The following RAPGEF6 variants were observed in gnomAD, a reference collection of about 807,000 sequenced individuals.
The protein encoded by RAPGEF6 is Rap guanine nucleotide exchange factor 6, also known as PDZ domain containing guanine nucleotide exchange factor (GEF) 2.
A neutral mutation model predicts 171.4 loss-of-function variants in RAPGEF6; 56 were observed. The ratio of observed to expected loss-of-function variants is 0.33; its 90% CI spans 0.26 to 0.41. The LOEUF (loss-of-function observed/expected upper bound fraction) is 0.41. Among genes scored for constraint, RAPGEF6 ranks in the 10% least tolerant of loss-of-function variants. The pLI is 1.00. For synonymous variants in RAPGEF6, 692 were observed against 650.1 expected, an observed-to-expected ratio of 1.06 and a Z score of -0.98; for missense variants, 1,674 against 1,921.4, an observed-to-expected ratio of 0.87 and a Z score of 2.41.
At position 131,425,601 on chromosome 5, in the gene RAPGEF6, C is replaced by T. The variant is rs1473434469; in HGVS notation, c.*1665G>A. The T allele has an allele frequency of 6.6e-6, 1 of 152,240 alleles. No individual in the cohort carries two copies. The highest frequency in any genetic ancestry group is 1.5e-5 in the Non-Finnish European group (1 of 68,022). 9.4% of individuals were successfully genotyped at this position (152,240 alleles called of 1,614,324 possible). A position where few individuals can be genotyped will look rare whatever the true frequency, so the allele number is the denominator to read the frequency against. On this transcript the variant is annotated 3_prime_UTR_variant, in exon 28 of 28. Coordinates refer to ENST00000509018, the MANE Select transcript of RAPGEF6 (RefSeq NM_016340.6). ...TAAGTTTCAGATTAATGTTTCTTTA[C>T]CACAGGAATTTTTGAAATGCTATTA...
intron 3 of RAPGEF6, among the ~76,000 whole-genome samples, chr5:131,597,952 T>C (rs1390923202): frequency 2.0e-5 from 3 of 152,140 alleles, no homozygotes; most frequent in African/African-American, 4.8e-5. Context: ...CATAACTGTA[T>C]TGGAATACCA....
At chr5:131,458,346 G>T (rs1211262310) in intron 19 of RAPGEF6, among the ~76,000 whole-genome samples, 1 of 152,128 alleles carries the variant, frequency 6.6e-6, no homozygotes, top group South Asian at 2.1e-4. Flanking sequence ...TCTCTCTGCT[G>T]CCATGTAAGA....
At chr5:131,450,926 T>TG (rs1423119487) in intron 21 of RAPGEF6, among the ~76,000 whole-genome samples, 1 of 152,230 alleles carries the variant, frequency 6.6e-6, no homozygotes, top group Non-Finnish European at 1.5e-5. Context: ...TACTGAAGTA[T>TG]GGCTAGTACT....
At chr5:131,529,027 AAC>A (rs1759183774) in intron 6 of RAPGEF6, among the ~76,000 whole-genome samples, 1 of 152,184 alleles carries the variant, frequency 6.6e-6, no homozygotes, top group Non-Finnish European at 1.5e-5. Context: ...CCACCCAGTA[AAC>A]AGTCACCTCA....
In RAPGEF6 at chr5:131,510,459, C is replaced by G; in HGVS notation, c.660G>C (p.Leu220Phe). The stretch of plus-strand genomic sequence containing the variant: ...CAACAGGTCCTTCTGGAAGACGTGT[C>G]AAATCTACATCTCCTACCTCACTCT... ...ATESEVGDVDLTRLPEGPVDS... is the reference protein window; with the variant it reads ...ATESEVGDVDFTRLPEGPVDS... The change falls in exon 8 of 28, where the codon TTG (leucine) becomes TTC (phenylalanine). Residue 220 changes from leucine (L) to phenylalanine (F), a missense_variant. Physicochemically the swap from Leu to Phe is conservative, Grantham distance 22 (BLOSUM62 0). Around this residue, in one of 3 missense-constraint regions of RAPGEF6, gnomAD observed 1,116 missense variants for 1,321.5 expected, o/e 0.84. Coordinates refer to ENST00000509018, the MANE Select transcript of RAPGEF6 (RefSeq NM_016340.6). 6.2e-7 allele frequency: 1 copy of G among 1,614,028 alleles called. No individual in the cohort carries two copies. The highest frequency in any genetic ancestry group is 8.5e-7 in the Non-Finnish European group (1 of 1,179,984).
Position 131,562,042 on chromosome 5 carries a change from C to A in RAPGEF6, c.287G>T (p.Gly96Val). 1 of 1,575,012 alleles carries A rather than the reference C, an allele frequency of 6.3e-7. No individual in the cohort carries two copies. Among genetic ancestry groups the A allele is most frequent in the South Asian group, 1.2e-5 (1 of 85,798 alleles). ...TCCTCTTTTTCCTCCAAACTGCTTA[C>A]CAAAACTATAAAAACAGAAAAACAA... ...GSMVLPPCSF[G>V]KQFGGKRGCD... is the part of the protein sequence containing the mutation. Residue 96 changes from glycine (G) to valine (V), a missense_variant, in exon 5 of 28, where the codon GGT becomes GTT. Transcript: ENST00000509018.
chr5:131,453,092 A>T lies in RAPGEF6; in HGVS notation c.3162T>A (p.Thr1054=). 6.2e-7 allele frequency: 1 copy of T among 1,614,078 alleles called. No individual in the cohort carries two copies. Among genetic ancestry groups the T allele is most frequent in the African/African-American group, 1.3e-5 (1 of 75,054 alleles). ...SKEIRQVVRM[T]SANMDPAMMF... is the part of the protein sequence containing the mutation. ...TCATAGCTGGGTCCATGTTAGCAGAAGTCATTCGAACAACTTGGCGGATTT... is the reference window on the plus strand; with the variant it reads ...TCATAGCTGGGTCCATGTTAGCAGATGTCATTCGAACAACTTGGCGGATTT... Residue 1054 remains threonine, a synonymous_variant, in exon 21 of 28, where the codon ACT becomes ACA. Coordinates refer to ENST00000509018, the MANE Select transcript of RAPGEF6 (RefSeq NM_016340.6).
At chr5:131,505,675 T>G (rs1205197699) in intron 9 of RAPGEF6, among the ~76,000 whole-genome samples, 153 bp from the exon 10 acceptor site, 1 of 152,226 alleles carries the variant, frequency 6.6e-6, no homozygotes, top group African/African-American at 2.4e-5. Flanking sequence ...CCCTATGCTT[T>G]GAGTCTATGC....
chr5:131,565,889 T>G (rs1295434421), intron 4 of RAPGEF6, among the ~76,000 whole-genome samples: 1 of 152,194 alleles, frequency 6.6e-6, no homozygotes. Context: ...CTCACGCCTG[T>G]AATCCCAGCA....
At chr5:131,616,529 C>T (rs1446750345) in intron 1 of RAPGEF6, among the ~76,000 whole-genome samples, 1 of 152,160 alleles carries the variant, frequency 6.6e-6, no homozygotes, top group South Asian at 2.1e-4. Flanking sequence ...TCAACCAAAA[C>T]TTGGAAAACT....
chr5:131,558,609 C>T (rs889491605), intron 5 of RAPGEF6, among the ~76,000 whole-genome samples: 1 of 152,086 alleles, frequency 6.6e-6, no homozygotes, highest in African/African-American at 2.4e-5. Flanking sequence ...GCTTAAATTT[C>T]ACAACAAGAA....
At position 131,619,038 on chromosome 5, in the gene RAPGEF6, A is replaced by C. The variant is rs142926445; in HGVS notation, c.70-14345T>G. ...CAGGCTCTTCAAAAGTGCAATGTTC[A>C]TGAAAGGAAAAAAAAAAAAAACAGG... On this transcript the variant is annotated intron_variant, in intron 1 of 27. Transcript: ENST00000509018. Among the ~76,000 whole-genome samples the C allele has an allele frequency of 4.0e-3, 611 of 151,770 alleles. 12 individuals carry two copies. Among genetic ancestry groups the C allele is most frequent in the Non-Finnish European group, 2.6e-3 (179 of 67,936 alleles).
In RAPGEF6 at chr5:131,426,289, C is replaced by T. The variant is rs910720226; in HGVS notation, c.*977G>A. ...AAATTCGTCTTCATTATTACAACAC[C>T]CATGATAAGAATTTCTTTAAAAAAA... On this transcript the variant is annotated 3_prime_UTR_variant, in exon 28 of 28. Transcript: ENST00000509018. 6.6e-6 allele frequency: 1 copy of T among 152,232 alleles called. No homozygotes were observed. Among genetic ancestry groups the T allele is most frequent in the East Asian group, 1.9e-4 (1 of 5,332 alleles). The allele number at this position is 152,232 out of a possible 1,614,324, so 9.4% of individuals were successfully genotyped here.
rs762526251 is a variant in RAPGEF6 at position 131,430,681 on chromosome 5, G to T, written c.4465+178C>A. The T allele has an allele frequency of 5.7e-6, 5 of 871,334 alleles. No individual in the cohort carries two copies. In the Admixed American group the frequency reaches 8.8e-5, roughly 15 times the overall value. 54.0% of individuals were successfully genotyped at this position (871,334 alleles called of 1,614,324 possible). The stretch of plus-strand genomic sequence containing the variant: ...TTCATTTTAATGGGGTTGAATAGCT[G>T]CTCCAAAGTCTTTGAGAAACCATGA... On this transcript the variant is annotated intron_variant, in intron 26 of 27. Coordinates refer to ENST00000509018, the MANE Select transcript of RAPGEF6 (RefSeq NM_016340.6).
chr5:131,631,514 C>T (rs1457689553), intron 1 of RAPGEF6, among the ~76,000 whole-genome samples: 2 of 152,166 alleles, frequency 1.3e-5, no homozygotes, highest in East Asian at 1.9e-4. Flanking sequence ...CCACTTCTCA[C>T]CACTTCCATT....
Position 131,635,133 on chromosome 5 carries a change from A to T in RAPGEF6, c.-103T>A, listed in dbSNP as rs1413426335. The T allele has an allele frequency of 5.7e-6, 7 of 1,228,276 alleles. No homozygotes were observed. The African/African-American group carries it at 1.1e-4, about 19-fold the overall frequency. 76.1% of individuals were successfully genotyped at this position (1,228,276 alleles called of 1,614,324 possible). ...TACCTTTCCCCCGCCCCAAGGAGGG[A>T]ACTTCGCGCCGTAACAAGGTCCGAA... On this transcript the variant is annotated 5_prime_UTR_variant, in exon 1 of 28. Coordinates refer to ENST00000509018, the MANE Select transcript of RAPGEF6 (RefSeq NM_016340.6).
intron 24 of RAPGEF6, among the ~76,000 whole-genome samples, chr5:131,437,255 T>C (rs895745163): frequency 4.6e-5 from 7 of 152,196 alleles, no homozygotes; most frequent in South Asian, 2.1e-4. Context: ...TGGTGTTCAA[T>C]TGTTGGCTAC....
At chr5:131,633,810 T>A (rs191896504) in intron 1 of RAPGEF6, among the ~76,000 whole-genome samples, 11 of 152,344 alleles carry the variant, frequency 7.2e-5, no homozygotes, top group Middle Eastern at 6.8e-3. Context: ...TACTTTCCAA[T>A]GCTATAAAGG....
chr5:131,530,688 C>T (rs1212295816), intron 6 of RAPGEF6, among the ~76,000 whole-genome samples: 2 of 152,160 alleles, frequency 1.3e-5, no homozygotes, highest in South Asian at 4.1e-4. Context: ...ATAATGTTTG[C>T]TGGCATTTCA....
Sources: allele counts gnomAD v4.1 joint callset (sites outside exome capture counted in the v4.1 genomes callset), GRCh38; gene constraint gnomAD v4.1.1; regional missense constraint gnomAD v4.1.1; transcripts MANE v1.5; gene names NCBI Gene and HGNC (gene_info 2026-07-23, HGNC 2026-07-21).